CEP112: variants seen among roughly 807,000 people sequenced by gnomAD.
CEP112 encodes centrosomal protein of 112 kDa.
Under a neutral mutation model 153.0 loss-of-function variants are expected in CEP112, and 127 were observed. The observed-to-expected ratio is 0.83, with a 90% CI of 0.72 to 0.96. CEP112 has a LOEUF of 0.96. Ranked by LOEUF, CEP112 falls within the 40% of genes least tolerant of loss-of-function variation. The pLI is 0.00. For missense variants in CEP112, 1,089 were observed against 1,101.2 expected, an observed-to-expected ratio of 0.99 and a Z score of 0.16; for synonymous variants, 358 against 374.4, an observed-to-expected ratio of 0.96 and a Z score of 0.51.
intron 18 of CEP112, among the ~76,000 whole-genome samples, chr17:65,930,082 G>A (rs891610232): frequency 4.3e-4 from 65 of 152,150 alleles, no homozygotes; most frequent in African/African-American, 1.3e-3. Context: ...ACCAGCTAAC[G>A]TGGCAACCAT....
At chr17:65,842,779 T>C (rs568174912) in intron 21 of CEP112, among the ~76,000 whole-genome samples, 52 of 152,174 alleles carry the variant, frequency 3.4e-4, no homozygotes, top group Non-Finnish European at 5.7e-4. Context: ...TCTTGTTACA[T>C]AGGAGATACA....
At chr17:65,891,402 C>T (rs910010046) in intron 20 of CEP112, among the ~76,000 whole-genome samples, 1 of 152,180 alleles carries the variant, frequency 6.6e-6, no homozygotes, top group African/African-American at 2.4e-5. Flanking sequence ...GCAGCTCACA[C>T]TTAGCTTGGC....
chr17:65,654,056 C>CAAAAAAAAAAAAAAAAAAAAAAAAAA (rs773433478), intron 24 of CEP112, among the ~76,000 whole-genome samples: 13 of 26,878 alleles, frequency 4.8e-4, no homozygotes, highest in African/African-American at 9.6e-4. Flanking sequence ...AAGACTCCAT[C>CAAAAAAAAAAAAAAAAAAAAAAAAAA]AAAAAAAAAA....
At chr17:66,011,522 T>A (rs922436121) in intron 16 of CEP112, among the ~76,000 whole-genome samples, 3 of 152,196 alleles carry the variant, frequency 2.0e-5, no homozygotes, top group Non-Finnish European at 4.4e-5. Context: ...TGTAATTATA[T>A]GGCTGTCAGC....
chr17:65,667,228 G>A (rs2046739484), intron 24 of CEP112, among the ~76,000 whole-genome samples: 1 of 152,022 alleles, frequency 6.6e-6, no homozygotes, highest in African/African-American at 2.4e-5. Flanking sequence ...CTTAAATTGA[G>A]GACAATGATG....
At chr17:65,888,073 C>T (rs1258371915) in intron 20 of CEP112, among the ~76,000 whole-genome samples, 4 of 152,246 alleles carry the variant, frequency 2.6e-5, no homozygotes, top group East Asian at 1.9e-4. Flanking sequence ...GGTTATCTTC[C>T]GGCAATATCA....
At chr17:65,829,282 A>T (rs1460233160) in intron 21 of CEP112, among the ~76,000 whole-genome samples, 2 of 152,144 alleles carry the variant, frequency 1.3e-5, no homozygotes, top group Admixed American at 6.5e-5. Flanking sequence ...AACCACTTTC[A>T]ATTTTTAATT....
At chr17:65,772,611 CACACACAG>C (rs1000625345) in intron 21 of CEP112, among the ~76,000 whole-genome samples, 1 of 44,776 alleles carries the variant, frequency 2.2e-5, no homozygotes, top group Non-Finnish European at 3.6e-5. Context: ...CACACACACA[CACACACAG>C]ACAGCCCCTT....
chr17:65,894,850 C>T (rs910712689), intron 20 of CEP112, among the ~76,000 whole-genome samples: 5 of 151,932 alleles, frequency 3.3e-5, no homozygotes, highest in East Asian at 3.9e-4. Flanking sequence ...AACTATATTC[C>T]GAAGAAAATA....
chr17:65,866,384 G>C (rs1447555924), intron 20 of CEP112, among the ~76,000 whole-genome samples: 1 of 152,248 alleles, frequency 6.6e-6, no homozygotes, highest in Admixed American at 6.5e-5. Flanking sequence ...GGGCAGCTTG[G>C]CACTGGCCTG....
At chr17:65,670,672 T>C (rs1282325211) in intron 24 of CEP112, among the ~76,000 whole-genome samples, 1 of 152,224 alleles carries the variant, frequency 6.6e-6, no homozygotes, top group African/African-American at 2.4e-5. Context: ...TTTTCACATA[T>C]GCTACAATCA....
At chr17:66,131,019 T>C (rs2070138367) in intron 5 of CEP112, among the ~76,000 whole-genome samples, 1 of 152,166 alleles carries the variant, frequency 6.6e-6, no homozygotes, top group Admixed American at 6.5e-5. Flanking sequence ...GCCCAGAAAG[T>C]GTATTTTAAA....
intron 20 of CEP112, among the ~76,000 whole-genome samples, chr17:65,895,086 C>T (rs1270862944): frequency 6.6e-6 from 1 of 152,014 alleles, no homozygotes; most frequent in African/African-American, 2.4e-5. Flanking sequence ...ACAATGTGCT[C>T]ATACACTAGC....
chr17:65,928,334 T>C (rs2061002487), intron 18 of CEP112, among the ~76,000 whole-genome samples: 1 of 152,200 alleles, frequency 6.6e-6, no homozygotes, highest in African/African-American at 2.4e-5. Context: ...GCTGGGAATA[T>C]AAAATGGTAT....
intron 6 of CEP112, among the ~76,000 whole-genome samples, chr17:66,128,397 C>A (rs1179670643): frequency 6.6e-6 from 1 of 151,750 alleles, no homozygotes; most frequent in East Asian, 1.9e-4. Context: ...CTACTCATAT[C>A]CAATAGAACT....
At chr17:65,809,934 C>T (rs531146989) in intron 21 of CEP112, among the ~76,000 whole-genome samples, 14 of 152,024 alleles carry the variant, frequency 9.2e-5, no homozygotes, top group East Asian at 3.9e-4. Flanking sequence ...CTGGAGACCA[C>T]GATGTTCTTC....
intron 4 of CEP112, among the ~76,000 whole-genome samples, chr17:66,151,207 A>T (rs2071196863): frequency 6.6e-6 from 1 of 152,018 alleles, no homozygotes; most frequent in African/African-American, 2.4e-5. Flanking sequence ...TTATGGTTCT[A>T]TTTAGTCTGT....
chr17:66,096,210 CTG>C (rs1267164030), intron 8 of CEP112, 39 bp downstream of exon 8: 1 of 1,365,316 alleles, frequency 7.3e-7, no homozygotes, highest in Non-Finnish European at 1.0e-6. Context: ...AATATTAAAA[CTG>C]TATTATCAAT....
At chr17:65,741,756 T>C (rs1277271779) in intron 23 of CEP112, among the ~76,000 whole-genome samples, 1 of 151,940 alleles carries the variant, frequency 6.6e-6, no homozygotes, top group Non-Finnish European at 1.5e-5. Context: ...GAAACAGAAA[T>C]GCACTTAATA....
Sources: gnomAD v4.1 joint callset for allele counts (sites outside exome capture counted in the v4.1 genomes callset) on GRCh38, gnomAD v4.1.1 for gene constraint, MANE v1.5 for transcripts, NCBI Gene and HGNC (gene_info 2026-07-23, HGNC 2026-07-21) for gene names.